The following IL1RAPL1 variants were observed in gnomAD, a reference collection of about 807,000 sequenced individuals.
The protein encoded by IL1RAPL1 is interleukin-1 receptor accessory protein-like 1.
A neutral mutation model predicts 48.4 loss-of-function variants in IL1RAPL1; 3 were observed. That is an observed-to-expected ratio of 0.06 (90% CI 0.03 to 0.16). The LOEUF is 0.16. Ranked by LOEUF, IL1RAPL1 falls within the 10% of genes least tolerant of loss-of-function variation. IL1RAPL1 has a pLI of 1.00. For missense variants in IL1RAPL1, 349 were observed against 530.6 expected, an observed-to-expected ratio of 0.66 and a Z score of 3.36; for synonymous variants, 185 against 187.7, an observed-to-expected ratio of 0.99 and a Z score of 0.12.
chrX:29,354,854 A>G (rs996917183), intron 3 of IL1RAPL1, among the ~76,000 whole-genome samples: 1 of 112,463 alleles, frequency 8.9e-6, no homozygotes, highest in African/African-American at 3.2e-5. Flanking sequence ...CAAATTAACA[A>G]GAGAAAACAA....
intron 2 of IL1RAPL1, among the ~76,000 whole-genome samples, chrX:29,130,921 C>CGG (rs1929007251): frequency 8.9e-6 from 1 of 112,272 alleles, no homozygotes; most frequent in South Asian, 3.6e-4. Context: ...TTTTTTAGGT[C>CGG]AAACTTGCCA....
chrX:29,585,338 A>G (rs995168345), intron 5 of IL1RAPL1, among the ~76,000 whole-genome samples: 6 of 112,094 alleles, frequency 5.4e-5, no homozygotes, highest in African/African-American at 1.9e-4. Flanking sequence ...AATGTCCTCA[A>G]GTTTCATTCA....
At position 29,602,224 on chromosome X, in the gene IL1RAPL1, C is replaced by G. The variant is rs1923746770; in HGVS notation, c.704-66206C>G. ...TCTCAAACTCCTGACCTCATGTGAT[C>G]CACCTGCCTCGGCCTTCCAAAGTGC... On this transcript the variant is annotated intron_variant, in intron 5 of 10. Transcript: ENST00000378993. Among the ~76,000 whole-genome samples, 3 of 109,687 alleles carry G rather than the reference C, an allele frequency of 2.7e-5. No individual in the cohort carries two copies. In the South Asian group the frequency reaches 1.1e-3, roughly 41 times the overall value.
chrX:29,874,547 T>A (rs1931864639), intron 6 of IL1RAPL1, among the ~76,000 whole-genome samples: 1 of 111,585 alleles, frequency 9.0e-6, no homozygotes, highest in Non-Finnish European at 1.9e-5. Flanking sequence ...CACATCAAAT[T>A]ATATTACCAT....
intron 2 of IL1RAPL1, among the ~76,000 whole-genome samples, chrX:28,905,022 C>G (rs1923180760): frequency 9.0e-6 from 1 of 111,331 alleles, no homozygotes; most frequent in African/African-American, 3.3e-5. Context: ...GTATCTGTTA[C>G]TTCTTTGAAG....
intron 6 of IL1RAPL1, among the ~76,000 whole-genome samples, chrX:29,725,137 A>G (rs1927742910): frequency 9.0e-6 from 1 of 111,326 alleles, no homozygotes; most frequent in South Asian, 3.8e-4. Context: ...CCTTTATTTA[A>G]TCTTAAACTG....
chrX:29,925,421 T>TG (rs1555937106), intron 8 of IL1RAPL1, among the ~76,000 whole-genome samples: 6 of 20,144 alleles, frequency 3.0e-4, no homozygotes, highest in African/African-American at 5.9e-4. Flanking sequence ...TGTTTTTTTT[T>TG]TTTTTTTTTT....
intron 2 of IL1RAPL1, among the ~76,000 whole-genome samples, chrX:29,042,965 A>T (rs978013314): frequency 4.5e-5 from 5 of 112,005 alleles, no homozygotes; most frequent in African/African-American, 9.7e-5. Flanking sequence ...AAAAGAAAAA[A>T]CTTCTTACAA....
intron 3 of IL1RAPL1, among the ~76,000 whole-genome samples, chrX:29,364,812 G>C (rs1415731114): frequency 9.0e-6 from 1 of 110,754 alleles, no homozygotes; most frequent in Non-Finnish European, 1.9e-5. Flanking sequence ...ACAGGGACTT[G>C]AACATCTGTG....
chrX:29,818,720 C>T (rs1189007127), intron 6 of IL1RAPL1, among the ~76,000 whole-genome samples: 6 of 111,975 alleles, frequency 5.4e-5, no homozygotes, highest in East Asian at 5.6e-4. Context: ...TGTGAGAAGA[C>T]GTAAACTATA....
intron 2 of IL1RAPL1, among the ~76,000 whole-genome samples, chrX:29,211,727 C>G (rs1930772965): frequency 9.0e-6 from 1 of 110,975 alleles, no homozygotes; most frequent in Non-Finnish European, 1.9e-5. Context: ...ACGTAGAATT[C>G]CTAATCCGTA....
At chrX:28,903,874 T>C (rs1336255901) in intron 2 of IL1RAPL1, among the ~76,000 whole-genome samples, 2 of 110,437 alleles carry the variant, frequency 1.8e-5, no homozygotes, top group Admixed American at 9.8e-5. Flanking sequence ...ATTTAAATTA[T>C]GAGAAAAGTT....
At chrX:29,955,009 A>G in intron 10 of IL1RAPL1, 93 bp from the exon 11 acceptor site, 1 of 726,137 alleles carries the variant, frequency 1.4e-6, no homozygotes, top group Admixed American at 2.2e-5. Flanking sequence ...TCAGTGAACT[A>G]GTTTCATTTA....
chrX:28,939,872 T>A (rs994501756), intron 2 of IL1RAPL1, among the ~76,000 whole-genome samples: 13 of 111,156 alleles, frequency 1.2e-4, no homozygotes, highest in African/African-American at 3.9e-4. Context: ...AGGTAGGGAA[T>A]GACAGACCTC....
At chrX:29,861,853 T>C (rs926598070) in intron 6 of IL1RAPL1, among the ~76,000 whole-genome samples, 1 of 111,236 alleles carries the variant, frequency 9.0e-6, no homozygotes, top group Admixed American at 9.6e-5. Context: ...TTAATCTGAA[T>C]CTAAAATGTT....
chrX:28,990,019 G>C (rs944327851), intron 2 of IL1RAPL1, among the ~76,000 whole-genome samples: 8 of 111,438 alleles, frequency 7.2e-5, no homozygotes, highest in Non-Finnish European at 1.1e-4. Context: ...AACAACAGAT[G>C]TATTTTCTGA....
At chrX:29,118,016 T>TGC (rs1928709514) in intron 2 of IL1RAPL1, among the ~76,000 whole-genome samples, 1 of 112,134 alleles carries the variant, frequency 8.9e-6, no homozygotes, top group Non-Finnish European at 1.9e-5. Flanking sequence ...TTGACTCAAA[T>TGC]ATTATCAACA....
At chrX:29,559,975 T>C (rs1922136098) in intron 5 of IL1RAPL1, among the ~76,000 whole-genome samples, 1 of 112,036 alleles carries the variant, frequency 8.9e-6, no homozygotes, top group Non-Finnish European at 1.9e-5. Flanking sequence ...GCTATGTACT[T>C]ACCTTTACCA....
At chrX:28,803,406 G>A (rs1936695974) in intron 2 of IL1RAPL1, among the ~76,000 whole-genome samples, 1 of 111,583 alleles carries the variant, frequency 9.0e-6, no homozygotes, top group African/African-American at 3.3e-5. Context: ...GTAGAATCAA[G>A]CTAAATGGAA....
Sources: allele counts gnomAD v4.1 joint callset (sites outside exome capture counted in the v4.1 genomes callset), GRCh38; gene constraint gnomAD v4.1.1; transcripts MANE v1.5; gene names NCBI Gene and HGNC (gene_info 2026-07-23, HGNC 2026-07-21).